VTI1A: variants seen among roughly 807,000 people sequenced by gnomAD.
The protein encoded by VTI1A is vesicle transport through interaction with t-SNAREs 1A.
VTI1A carries 22 observed loss-of-function variants against 34.9 expected under a neutral mutation model. That is an observed-to-expected ratio of 0.63 (90% confidence interval 0.45 to 0.90). VTI1A has a LOEUF of 0.90. Among genes scored for constraint, VTI1A ranks in the 40% least tolerant of loss-of-function variants. The pLI is 0.00. For missense variants in VTI1A, 268 were observed against 275.6 expected, an observed-to-expected ratio of 0.97 and a Z score of 0.20; for synonymous variants, 87 against 97.3, an observed-to-expected ratio of 0.89 and a Z score of 0.62.
chr10:112,631,356 C>G (rs1846124042), intron 5 of VTI1A, among the ~76,000 whole-genome samples: 2 of 152,166 alleles, frequency 1.3e-5, no homozygotes, highest in African/African-American at 4.8e-5. Context: ...CCACCTCTAT[C>G]TAGTTCTAAA....
At chr10:112,460,703 C>T (rs1012099438) in intron 2 of VTI1A, 121 bp downstream of exon 2, 11 of 707,534 alleles carry the variant, frequency 1.6e-5, no homozygotes, top group Non-Finnish European at 2.1e-6. Flanking sequence ...TTTTATAATT[C>T]AGAATTTGTC....
intron 5 of VTI1A, among the ~76,000 whole-genome samples, chr10:112,545,496 C>G (rs551214238): frequency 6.6e-6 from 1 of 152,054 alleles, no homozygotes; most frequent in East Asian, 1.9e-4. Flanking sequence ...TTTCTTTTTT[C>G]TGTCTAATCA....
intron 5 of VTI1A, among the ~76,000 whole-genome samples, chr10:112,616,931 CA>C (rs1261372787): frequency 1.3e-5 from 2 of 151,834 alleles, no homozygotes; most frequent in Non-Finnish European, 2.9e-5. Context: ...AAAAGCATAC[CA>C]AAAAGACATC....
chr10:112,459,675 T>G (rs1847664307), intron 1 of VTI1A, among the ~76,000 whole-genome samples: 1 of 152,104 alleles, frequency 6.6e-6, no homozygotes, highest in South Asian at 2.1e-4. Context: ...ATACATCTGG[T>G]TTGCACAAAA....
At chr10:112,552,694 G>A (rs1851403722) in intron 5 of VTI1A, among the ~76,000 whole-genome samples, 1 of 151,864 alleles carries the variant, frequency 6.6e-6, no homozygotes, top group Non-Finnish European at 1.5e-5. Flanking sequence ...CCTGCCAGCT[G>A]TGAATTTTCT....
chr10:112,598,990 A>G (rs1190253225), intron 5 of VTI1A, among the ~76,000 whole-genome samples: 5 of 152,194 alleles, frequency 3.3e-5, no homozygotes, highest in Admixed American at 1.3e-4. Flanking sequence ...AGTCTGCTCT[A>G]TTCCTTCCTT....
chr10:112,474,126 A>AAC (rs1848197820), intron 3 of VTI1A, among the ~76,000 whole-genome samples: 1 of 151,460 alleles, frequency 6.6e-6, no homozygotes, highest in Non-Finnish European at 1.5e-5. Flanking sequence ...CAGTGGTGTG[A>AAC]TCTCAGCTCA....
intron 7 of VTI1A, among the ~76,000 whole-genome samples, chr10:112,746,173 T>C (rs954145183): frequency 5.3e-5 from 8 of 152,226 alleles, no homozygotes; most frequent in African/African-American, 9.7e-5. Flanking sequence ...TTTTATGATA[T>C]AGAATTTCAG....
At chr10:112,515,776 G>A (rs1037179457) in intron 3 of VTI1A, among the ~76,000 whole-genome samples, 8 of 151,684 alleles carry the variant, frequency 5.3e-5, no homozygotes, top group Non-Finnish European at 1.0e-4. Context: ...CTTTTTTTTG[G>A]TATGTTTATT....
intron 5 of VTI1A, among the ~76,000 whole-genome samples, chr10:112,623,466 G>A (rs1845806600): frequency 7.3e-6 from 1 of 137,076 alleles, no homozygotes. Context: ...AGAACTCTCT[G>A]AATCTTTTCT....
At chr10:112,823,778 G>A in the VTI1A span, 1 of 152,222 alleles carries the variant, frequency 6.6e-6, no homozygotes, top group Non-Finnish European at 1.5e-5. Flanking sequence ...AAAGAGCAGC[G>A]TTTTGAAATG....
At chr10:112,810,532 G>A (rs1411170171) in intron 7 of VTI1A, among the ~76,000 whole-genome samples, 2 of 152,116 alleles carry the variant, frequency 1.3e-5, no homozygotes, top group African/African-American at 4.8e-5. Context: ...GGCCTGCAGT[G>A]GATCCAGCCT....
intron 7 of VTI1A, among the ~76,000 whole-genome samples, chr10:112,785,842 C>T (rs1397809341): frequency 1.3e-5 from 2 of 151,772 alleles, no homozygotes; most frequent in African/African-American, 2.4e-5. Flanking sequence ...TCCTTACACC[C>T]AGACTACACC....
chr10:112,801,872 A>G (rs1456689034), intron 7 of VTI1A, among the ~76,000 whole-genome samples: 2 of 152,226 alleles, frequency 1.3e-5, no homozygotes, highest in African/African-American at 4.8e-5. Flanking sequence ...ATATTACCTT[A>G]GTAATGTACT....
chr10:112,653,369 C>T (rs1184469858), intron 5 of VTI1A, among the ~76,000 whole-genome samples: 3 of 152,168 alleles, frequency 2.0e-5, no homozygotes, highest in Non-Finnish European at 2.9e-5. Flanking sequence ...TAATGTCTAG[C>T]TTCCTTCTTT....
At chr10:112,845,892 C>T in the VTI1A span, among the ~76,000 whole-genome samples, 1 of 152,152 alleles carries the variant, frequency 6.6e-6, no homozygotes, top group Non-Finnish European at 1.5e-5. Flanking sequence ...GTGGCACGCA[C>T]CTGTAATCCC....
chr10:112,825,858 C>G, the VTI1A span: 1 of 152,206 alleles, frequency 6.6e-6, no homozygotes, highest in Non-Finnish European at 1.5e-5. Context: ...TTTGATAATT[C>G]CACATGCATG....
chr10:112,462,861 G>C (rs960461326), intron 2 of VTI1A, among the ~76,000 whole-genome samples: 2 of 152,144 alleles, frequency 1.3e-5, no homozygotes, highest in African/African-American at 4.8e-5. Context: ...GATTTTAGCA[G>C]ACATGGCCTG....
intron 7 of VTI1A, among the ~76,000 whole-genome samples, chr10:112,688,658 A>T (rs1214118647): frequency 6.6e-6 from 1 of 151,294 alleles, no homozygotes; most frequent in Admixed American, 6.6e-5. Flanking sequence ...AGTACCTGGG[A>T]TTACAGGCAC....
Sources: gnomAD v4.1 joint callset for allele counts (sites outside exome capture counted in the v4.1 genomes callset) on GRCh38, gnomAD v4.1.1 for gene constraint, MANE v1.5 for transcripts, NCBI Gene and HGNC (gene_info 2026-07-23, HGNC 2026-07-21) for gene names.